EXOC4: variants seen among roughly 807,000 people sequenced by gnomAD.
EXOC4 encodes exocyst complex component 4.
In EXOC4, 71 loss-of-function variants were observed where a neutral mutation model predicts 107.2. That is an observed-to-expected ratio of 0.66 (90% CI 0.55 to 0.81). EXOC4 has a LOEUF of 0.81. EXOC4 is among the 30% of genes least tolerant of loss of function. EXOC4 has a pLI of 0.00. For missense variants in EXOC4, 1,108 were observed against 1,189.6 expected (o/e 0.93, Z 1.01); for synonymous variants, 456 against 441.2 (o/e 1.03, Z -0.42).
At chr7:133,664,889 A>G (rs1415169801) in intron 10 of EXOC4, among the ~76,000 whole-genome samples, 1 of 152,096 alleles carries the variant, frequency 6.6e-6, no homozygotes, top group Non-Finnish European at 1.5e-5. Context: ...GCAAAGAAAC[A>G]ATCTGCTGGC....
At chr7:133,358,828 G>C (rs1475373033) in intron 6 of EXOC4, among the ~76,000 whole-genome samples, 1 of 151,772 alleles carries the variant, frequency 6.6e-6, no homozygotes, top group Non-Finnish European at 1.5e-5. Context: ...TTCACGAGTG[G>C]AAATTATAGC....
intron 9 of EXOC4, among the ~76,000 whole-genome samples, chr7:133,501,403 C>G (rs1390527232): frequency 6.6e-6 from 1 of 152,074 alleles, no homozygotes; most frequent in East Asian, 1.9e-4. Flanking sequence ...GTGACTTGTT[C>G]CATTTGAATT....
chr7:134,095,481 A>G, the EXOC4 span, among the ~76,000 whole-genome samples: 4 of 152,184 alleles, frequency 2.6e-5, no homozygotes, highest in Non-Finnish European at 5.9e-5. Context: ...TCTAAAATTC[A>G]TATGGAACCA....
intron 10 of EXOC4, among the ~76,000 whole-genome samples, chr7:133,689,410 C>T (rs1487030915): frequency 2.0e-5 from 3 of 152,086 alleles, no homozygotes; most frequent in South Asian, 4.1e-4. Flanking sequence ...GTAGAAAGAT[C>T]AGTTTCAACT....
At chr7:134,032,286 T>A (rs929304754) in intron 17 of EXOC4, among the ~76,000 whole-genome samples, 5 of 152,158 alleles carry the variant, frequency 3.3e-5, no homozygotes, top group African/African-American at 9.7e-5. Context: ...CTGTCAACAG[T>A]TTCTCCTGCA....
intron 1 of EXOC4, among the ~76,000 whole-genome samples, chr7:133,267,642 A>G (rs1359260455): frequency 2.0e-5 from 3 of 152,074 alleles, no homozygotes; most frequent in African/African-American, 4.8e-5. Context: ...GGTTTTGTTC[A>G]TTGCTGTTAT....
chr7:133,615,051 A>G (rs570889959), intron 9 of EXOC4, among the ~76,000 whole-genome samples: 1 of 152,270 alleles, frequency 6.6e-6, no homozygotes, highest in African/African-American at 2.4e-5. Flanking sequence ...CTTTTATGAC[A>G]TGGACCCTTC....
At chr7:133,879,692 A>G (rs905154804) in intron 11 of EXOC4, among the ~76,000 whole-genome samples, 1 of 152,064 alleles carries the variant, frequency 6.6e-6, no homozygotes, top group African/African-American at 2.4e-5. Flanking sequence ...GGCCAGAGGG[A>G]CTCACAGAGC....
At chr7:133,497,889 AG>A (rs1449646600) in intron 9 of EXOC4, among the ~76,000 whole-genome samples, 1 of 152,168 alleles carries the variant, frequency 6.6e-6, no homozygotes, top group Non-Finnish European at 1.5e-5. Flanking sequence ...GGAAGCTGAA[AG>A]GGGCTTTGGG....
At chr7:133,453,733 C>G (rs1057472869) in intron 7 of EXOC4, among the ~76,000 whole-genome samples, 1 of 151,916 alleles carries the variant, frequency 6.6e-6, no homozygotes. Flanking sequence ...AAGTTATCGT[C>G]TCTTGGTTAA....
At chr7:133,992,818 C>G (rs149306038) in intron 14 of EXOC4, among the ~76,000 whole-genome samples, 2,395 of 150,856 alleles carry the variant, frequency 0.016, 209 homozygotes, top group Admixed American at 0.14. Context: ...AGTGGGCATC[C>G]TTATCTTATT....
At chr7:133,447,484 A>G (rs1241900602) in intron 7 of EXOC4, 1 of 152,016 alleles carries the variant, frequency 6.6e-6, no homozygotes, top group Non-Finnish European at 1.5e-5. Context: ...TAACTTTTTT[A>G]TATTCCTAGT....
chr7:133,584,212 C>G (rs1209443965), intron 9 of EXOC4, among the ~76,000 whole-genome samples: 2 of 152,054 alleles, frequency 1.3e-5, no homozygotes, highest in African/African-American at 4.8e-5. Context: ...CATTAGCATT[C>G]AGGTTTTAAT....
intron 10 of EXOC4, among the ~76,000 whole-genome samples, chr7:133,724,126 A>G (rs1795166181): frequency 6.6e-6 from 1 of 152,234 alleles, no homozygotes; most frequent in Non-Finnish European, 1.5e-5. Flanking sequence ...GATTATAATT[A>G]AACCTAGGCT....
intron 17 of EXOC4, among the ~76,000 whole-genome samples, chr7:134,061,525 G>T (rs1052786846): frequency 7.9e-5 from 12 of 152,136 alleles, no homozygotes; most frequent in African/African-American, 2.9e-4. Context: ...GTAATTCTTA[G>T]GTACCCTAAA....
intron 10 of EXOC4, among the ~76,000 whole-genome samples, chr7:133,802,209 T>G (rs1796961116): frequency 6.6e-6 from 1 of 152,198 alleles, no homozygotes; most frequent in South Asian, 2.1e-4. Context: ...TAGTGTGACC[T>G]TCAGCAAATT....
intron 17 of EXOC4, among the ~76,000 whole-genome samples, chr7:134,056,197 CAGAA>C (rs1049050769): frequency 9.2e-5 from 14 of 152,066 alleles, no homozygotes; most frequent in African/African-American, 3.1e-4. Context: ...CTTTAAAAAT[CAGAA>C]AGACTCTCTA....
chr7:133,778,469 A>G (rs1028668249), intron 10 of EXOC4, among the ~76,000 whole-genome samples: 1 of 152,180 alleles, frequency 6.6e-6, no homozygotes, highest in Non-Finnish European at 1.5e-5. Context: ...CTGCAGTCTC[A>G]GCTACTGGGA....
intron 2 of EXOC4, among the ~76,000 whole-genome samples, chr7:133,281,912 A>G (rs1332933297): frequency 1.3e-5 from 2 of 152,156 alleles, no homozygotes; most frequent in Admixed American, 6.5e-5. Context: ...CATGTTGGCC[A>G]GGCTAGTCTT....
Sources: allele counts gnomAD v4.1 joint callset (sites outside exome capture counted in the v4.1 genomes callset), GRCh38; gene constraint gnomAD v4.1.1; transcripts MANE v1.5; gene names NCBI Gene and HGNC (gene_info 2026-07-23, HGNC 2026-07-21).